The following PRKG1 variants were observed in gnomAD, a reference collection of about 807,000 sequenced individuals.
PRKG1 encodes the protein protein kinase cGMP-dependent 1.
A neutral mutation model predicts 88.1 loss-of-function variants in PRKG1; 35 were observed. That is an observed-to-expected ratio of 0.40 (90% CI 0.30 to 0.53). The LOEUF (loss-of-function observed/expected upper bound fraction) is 0.53, where lower values mean the gene tolerates loss of function less well. PRKG1 is among the 20% of genes least tolerant of loss of function. The pLI is 0.59. For synonymous variants in PRKG1, 303 were observed against 292.5 expected, an observed-to-expected ratio of 1.04 and a Z score of -0.37; for missense variants, 540 against 839.8, an observed-to-expected ratio of 0.64 and a Z score of 4.41.
chr10:51,042,563 G>T (rs1408159838), intron 1 of PRKG1, among the ~76,000 whole-genome samples: 1 of 152,158 alleles, frequency 6.6e-6, no homozygotes, highest in African/African-American at 2.4e-5. Context: ...TGTTGCTACA[G>T]ATTTGCATGC....
intron 2 of PRKG1, among the ~76,000 whole-genome samples, chr10:51,366,738 T>C (rs1045806177): frequency 3.9e-5 from 6 of 151,994 alleles, no homozygotes; most frequent in African/African-American, 1.4e-4. Flanking sequence ...TTATAAAAAA[T>C]CATTTCTCCA....
intron 9 of PRKG1, among the ~76,000 whole-genome samples, chr10:52,194,633 A>C (rs1564511799): frequency 6.6e-6 from 1 of 152,186 alleles, no homozygotes; most frequent in Non-Finnish European, 1.5e-5. Context: ...TGTGAAGCTA[A>C]ATACCAGAAC....
At chr10:51,575,714 T>G (rs1224523456) in intron 3 of PRKG1, among the ~76,000 whole-genome samples, 1 of 148,412 alleles carries the variant, frequency 6.7e-6, no homozygotes, top group Non-Finnish European at 1.5e-5. Flanking sequence ...CATGGCTTCA[T>G]CATTTTTTTA....
rs551880751 is a variant in PRKG1 at position 52,196,052 on chromosome 10, G to T, written c.1076+34089G>T. 2.6e-5 allele frequency among the ~76,000 whole-genome samples: 4 copies of T among 152,002 alleles called. No homozygotes were observed. The South Asian group carries it at 8.3e-4, about 32-fold the overall frequency. Reference sequence around the variant, plus strand: ...TCCTGAGATGGAGTCTCGCTCTGTTGCCCAGGTTGGAGTGCAGTGGCACGA... The same window carrying T: ...TCCTGAGATGGAGTCTCGCTCTGTTTCCCAGGTTGGAGTGCAGTGGCACGA... On this transcript the variant is annotated intron_variant, in intron 9 of 17. Coordinates refer to ENST00000373980, the MANE Select transcript of PRKG1 (RefSeq NM_006258.4).
chr10:51,052,899 TA>T (rs1343681134), intron 1 of PRKG1, among the ~76,000 whole-genome samples: 32 of 152,318 alleles, frequency 2.1e-4, no homozygotes, highest in African/African-American at 6.7e-4. Flanking sequence ...TTTTTTGTAA[TA>T]ACTAGTAGAT....
At chr10:51,581,032 C>T (rs1035999614) in intron 3 of PRKG1, among the ~76,000 whole-genome samples, 5 of 151,948 alleles carry the variant, frequency 3.3e-5, no homozygotes, top group Admixed American at 6.6e-5. Context: ...CTTCTGGTCC[C>T]ACGATGCCTC....
At chr10:51,298,505 G>T (rs951520646) in intron 2 of PRKG1, among the ~76,000 whole-genome samples, 5 of 152,128 alleles carry the variant, frequency 3.3e-5, no homozygotes, top group African/African-American at 1.2e-4. Flanking sequence ...TATGTAGAAA[G>T]CACTCAGCAT....
chr10:52,264,093 T>C (rs1841504773), intron 10 of PRKG1, among the ~76,000 whole-genome samples: 1 of 151,544 alleles, frequency 6.6e-6, no homozygotes, highest in South Asian at 2.1e-4. Context: ...TTTGTTATTA[T>C]ACTCCACTGC....
chr10:51,850,055 GT>G (rs1476361425), intron 4 of PRKG1, among the ~76,000 whole-genome samples: 1 of 152,212 alleles, frequency 6.6e-6, no homozygotes, highest in African/African-American at 2.4e-5. Context: ...GGATTTGAAA[GT>G]GTAAGAATGA....
intron 2 of PRKG1, among the ~76,000 whole-genome samples, chr10:51,229,944 A>AAAAAG (rs1564647220): frequency 6.7e-6 from 1 of 148,866 alleles, no homozygotes; most frequent in African/African-American, 2.5e-5. Flanking sequence ...AAAAAAAAAA[A>AAAAAG]AAAAGAAAAA....
chr10:52,157,345 A>G (rs1838149574), intron 8 of PRKG1, among the ~76,000 whole-genome samples: 1 of 145,146 alleles, frequency 6.9e-6, no homozygotes, highest in African/African-American at 2.5e-5. Context: ...ATATGTATAT[A>G]TATGTGATAC....
intron 4 of PRKG1, among the ~76,000 whole-genome samples, chr10:51,818,431 C>T (rs576042477): frequency 1.3e-5 from 2 of 152,088 alleles, no homozygotes; most frequent in African/African-American, 4.8e-5. Context: ...AAAAATCAAA[C>T]ATGTCAGAAA....
chr10:51,038,708 A>C (rs1177739128), intron 1 of PRKG1, among the ~76,000 whole-genome samples: 1 of 151,714 alleles, frequency 6.6e-6, no homozygotes, highest in Non-Finnish European at 1.5e-5. Context: ...TGTATATACC[A>C]CCTCTTCTTT....
chr10:51,557,219 G>T (rs1837335494), intron 3 of PRKG1, among the ~76,000 whole-genome samples: 1 of 151,988 alleles, frequency 6.6e-6, no homozygotes, highest in South Asian at 2.1e-4. Flanking sequence ...TAATATTGCA[G>T]ATTAAGAAAT....
intron 2 of PRKG1, among the ~76,000 whole-genome samples, chr10:51,463,578 A>C (rs1018167605): frequency 2.0e-5 from 3 of 152,230 alleles, no homozygotes; most frequent in Non-Finnish European, 4.4e-5. Flanking sequence ...GGAAGAAAGG[A>C]AGTTGATTAG....
At chr10:51,273,320 G>T (rs964850063) in intron 2 of PRKG1, among the ~76,000 whole-genome samples, 8 of 149,594 alleles carry the variant, frequency 5.3e-5, no homozygotes, top group Admixed American at 4.0e-4. Flanking sequence ...AGATTAACCT[G>T]GGCAACATGA....
chr10:51,628,107 TTTC>T (rs1839414343), intron 3 of PRKG1, among the ~76,000 whole-genome samples: 1 of 145,952 alleles, frequency 6.9e-6, no homozygotes, highest in Non-Finnish European at 1.5e-5. Flanking sequence ...CCTTTCTTTC[TTTC>T]CTTCTTTATT....
At chr10:51,551,586 A>G (rs1047248267) in intron 3 of PRKG1, among the ~76,000 whole-genome samples, 2 of 151,798 alleles carry the variant, frequency 1.3e-5, no homozygotes, top group African/African-American at 4.8e-5. Flanking sequence ...GCTGTGGCAG[A>G]TAAATATTCA....
chr10:52,030,725 T>G (rs1845454651), intron 5 of PRKG1, among the ~76,000 whole-genome samples: 2 of 152,160 alleles, frequency 1.3e-5, no homozygotes, highest in African/African-American at 4.8e-5. Flanking sequence ...CTCAGCACAA[T>G]CAATCACTGA....
Sources: gnomAD v4.1 joint callset for allele counts (sites outside exome capture counted in the v4.1 genomes callset) on GRCh38, gnomAD v4.1.1 for gene constraint, MANE v1.5 for transcripts, NCBI Gene and HGNC (gene_info 2026-07-23, HGNC 2026-07-21) for gene names.